FAF1: variants seen among roughly 807,000 people sequenced by gnomAD.
FAF1 encodes FAS-associated factor 1.
FAF1 carries 25 observed loss-of-function variants against 92.5 expected under a neutral mutation model. The observed-to-expected ratio is 0.27, with a 90% CI of 0.20 to 0.38. The LOEUF is 0.38. Ranked by LOEUF, FAF1 falls within the 10% of genes least tolerant of loss-of-function variation. FAF1 has a pLI of 1.00. For synonymous variants in FAF1, 234 were observed against 273.2 expected, an observed-to-expected ratio of 0.86 and a Z score of 1.42; for missense variants, 636 against 793.3, an observed-to-expected ratio of 0.80 and a Z score of 2.38.
intron 18 of FAF1, among the ~76,000 whole-genome samples, chr1:50,456,624 T>C (rs1646355666): frequency 1.3e-5 from 2 of 152,328 alleles, no homozygotes; most frequent in South Asian, 2.1e-4. Context: ...TTTCTTCTAA[T>C]TTATTTACTA....
rs1002254897 is a variant in FAF1, at chr1:50,472,161, A to G, written c.1869+3303T>C. The stretch of plus-strand genomic sequence containing the variant: ...AGCAATCCCTTACTCTAACTCAGAG[A>G]CAGGAGTTGGCCTATAGGAGGAGTA... On this transcript the variant is annotated intron_variant, in intron 18 of 18. Coordinates refer to ENST00000396153, the MANE Select transcript of FAF1 (RefSeq NM_007051.3). 3.3e-5 allele frequency among the ~76,000 whole-genome samples: 5 copies of G among 151,978 alleles called. No homozygotes were observed. The East Asian group carries it at 5.8e-4, about 18-fold the overall frequency.
intron 18 of FAF1, among the ~76,000 whole-genome samples, chr1:50,454,011 G>C (rs1452455462): frequency 6.6e-6 from 1 of 152,202 alleles, no homozygotes; most frequent in African/African-American, 2.4e-5. Context: ...TGTTAAACAA[G>C]GATGTTGATA....
At chr1:50,620,207 T>A (rs1439193092) in intron 8 of FAF1, among the ~76,000 whole-genome samples, 1 of 152,204 alleles carries the variant, frequency 6.6e-6, no homozygotes, top group Admixed American at 6.5e-5. Context: ...GTGTCCAGCC[T>A]AGATTTGGTC....
chr1:50,737,355 TG>T (rs1659184676), intron 6 of FAF1, among the ~76,000 whole-genome samples: 3 of 152,192 alleles, frequency 2.0e-5, no homozygotes. Context: ...ATCACGCTAC[TG>T]GAAAGCAACA....
At chr1:50,833,895 T>C (rs1309496318) in intron 2 of FAF1, among the ~76,000 whole-genome samples, 3 of 152,226 alleles carry the variant, frequency 2.0e-5, no homozygotes, top group Non-Finnish European at 4.4e-5. Context: ...ATTGATCACA[T>C]TCCAGGCGCT....
chr1:50,765,902 C>A (rs1660551201), intron 4 of FAF1, among the ~76,000 whole-genome samples: 1 of 152,084 alleles, frequency 6.6e-6, no homozygotes, highest in African/African-American at 2.4e-5. Flanking sequence ...ACCAGCCTGG[C>A]CAACATGGTG....
intron 1 of FAF1, among the ~76,000 whole-genome samples, chr1:50,909,543 G>C (rs537133415): frequency 6.6e-6 from 1 of 152,212 alleles, no homozygotes; most frequent in South Asian, 2.1e-4. Flanking sequence ...TTTTCACATA[G>C]TCCCATATTT....
At chr1:50,651,439 C>A (rs1654859443) in intron 8 of FAF1, among the ~76,000 whole-genome samples, 1 of 152,096 alleles carries the variant, frequency 6.6e-6, no homozygotes. Flanking sequence ...ATTTCTTGAT[C>A]TATGGTATTT....
At position 50,783,877 on chromosome 1, in the gene FAF1, AAAC is replaced by A. The variant is rs1013860597; in HGVS notation, c.367+4120_367+4122del. 2.0e-4 allele frequency among the ~76,000 whole-genome samples: 31 copies of A among 152,250 alleles called. No individual in the cohort carries two copies. The East Asian group carries it at 4.4e-3, about 22-fold the overall frequency. On this transcript the variant is annotated intron_variant, in intron 4 of 18. Transcript: ENST00000396153. ...GTGACAGAGTGAGACTCCATCTCAA[AAAC>A]AACAACAACAACATATGAAAATCAA...
chr1:50,622,184 G>T (rs1330480356), intron 8 of FAF1, among the ~76,000 whole-genome samples: 7 of 145,270 alleles, frequency 4.8e-5, no homozygotes, highest in Non-Finnish European at 9.1e-5. Context: ...AAAATAAAAA[G>T]AAAAAAAAAA....
chr1:50,826,963 G>C (rs988347582), intron 2 of FAF1, among the ~76,000 whole-genome samples: 1 of 151,460 alleles, frequency 6.6e-6, no homozygotes, highest in African/African-American at 2.4e-5. Flanking sequence ...TCTGGGAGGT[G>C]AGGAGTGCCT....
intron 4 of FAF1, among the ~76,000 whole-genome samples, chr1:50,786,438 C>A (rs1661367517): frequency 6.6e-6 from 1 of 152,016 alleles, no homozygotes; most frequent in Non-Finnish European, 1.5e-5. Flanking sequence ...TGGCAGTTGC[C>A]AGGAGTTTGA....
chr1:50,693,886 TAG>T (rs1362621114), intron 7 of FAF1, among the ~76,000 whole-genome samples: 3 of 152,156 alleles, frequency 2.0e-5, no homozygotes, highest in South Asian at 4.2e-4. Flanking sequence ...GACCAAATTT[TAG>T]AGTCAATATT....
At chr1:50,722,667 C>T in intron 6 of FAF1, among the ~76,000 whole-genome samples, 1 of 140,576 alleles carries the variant, frequency 7.1e-6, no homozygotes, top group East Asian at 2.1e-4. Context: ...AAAAAAAAGC[C>T]CTATAAAATC....
intron 18 of FAF1, among the ~76,000 whole-genome samples, chr1:50,449,787 C>T (rs1255722645): frequency 6.6e-6 from 1 of 151,844 alleles, no homozygotes; most frequent in African/African-American, 2.4e-5. Flanking sequence ...CGCGCCTGGC[C>T]TAACTAATCT....
At chr1:50,528,417 G>A (rs1647957790) in intron 15 of FAF1, among the ~76,000 whole-genome samples, 1 of 152,116 alleles carries the variant, frequency 6.6e-6, no homozygotes, top group South Asian at 2.1e-4. Context: ...ACTTAATAAT[G>A]AAGCAAAAAC....
At chr1:50,557,423 GA>G (rs1180572141) in intron 13 of FAF1, among the ~76,000 whole-genome samples, 1 of 152,118 alleles carries the variant, frequency 6.6e-6, no homozygotes, top group East Asian at 1.9e-4. Context: ...TATGCTTAAG[GA>G]AAGGACACCC....
At chr1:50,943,493 T>C (rs911888115) in intron 1 of FAF1, among the ~76,000 whole-genome samples, 5 of 152,192 alleles carry the variant, frequency 3.3e-5, no homozygotes, top group African/African-American at 1.2e-4. Context: ...AATTTTATCA[T>C]CCATAATAAC....
In FAF1 at chr1:50,634,924, T is replaced by C. The variant is rs114950173; in HGVS notation, c.744+20518A>G. 1.3e-3 allele frequency among the ~76,000 whole-genome samples: 199 copies of C among 152,290 alleles called. 1 individual carries two copies. Among genetic ancestry groups the C allele is most frequent in the Middle Eastern group, 6.8e-3 (2 of 294 alleles). On this transcript the variant is annotated intron_variant, in intron 8 of 18. Transcript: ENST00000396153. Reference sequence around the variant, plus strand: ...AAGCAACCCTAAGGAAAATTTAGGATAACAGATAGTAACTATATTCTACTG... The same window carrying C: ...AAGCAACCCTAAGGAAAATTTAGGACAACAGATAGTAACTATATTCTACTG...
Sources: gnomAD v4.1 joint callset for allele counts (sites outside exome capture counted in the v4.1 genomes callset) on GRCh38, gnomAD v4.1.1 for gene constraint, MANE v1.5 for transcripts, NCBI Gene and HGNC (gene_info 2026-07-23, HGNC 2026-07-21) for gene names.